The following COP1 variants were observed in gnomAD, a reference collection of about 807,000 sequenced individuals.
The protein encoded by COP1 is E3 ubiquitin-protein ligase COP1.
Under a neutral mutation model 101.3 loss-of-function variants are expected in COP1, and 24 were observed. The observed-to-expected ratio is 0.24, with a 90% confidence interval of 0.17 to 0.33. The LOEUF is 0.33. Among genes scored for constraint, COP1 ranks in the 10% least tolerant of loss-of-function variants. The pLI, the probability that COP1 is intolerant of heterozygous loss-of-function variation, is 1.00. For synonymous variants in COP1, 347 were observed against 341.9 expected (o/e 1.01, Z -0.17); for missense variants, 663 against 906.2 (o/e 0.73, Z 3.45).
At chr1:176,184,566 A>G in intron 2 of COP1, 67 bp downstream of exon 2, 1 of 1,287,500 alleles carries the variant, frequency 7.8e-7, no homozygotes. Flanking sequence ...GTAACTTCTC[A>G]TTGGCTACAT....
intron 1 of COP1, among the ~76,000 whole-genome samples, chr1:176,187,513 T>G (rs1328260793): frequency 2.6e-5 from 4 of 151,998 alleles, no homozygotes; most frequent in Non-Finnish European, 5.9e-5. Flanking sequence ...CCTCCCAAAG[T>G]GTTGGGATTA....
chr1:175,951,463 A>ATATATATATATATATATAT (rs1558154896), intron 18 of COP1, among the ~76,000 whole-genome samples: 516 of 39,574 alleles, frequency 0.013, 11 homozygotes, highest in East Asian at 0.027. Flanking sequence ...TATATATATA[A>ATATATATATATATATATAT]AAACTTCCAT....
At chr1:175,983,313 C>T (rs112419672) in intron 18 of COP1, among the ~76,000 whole-genome samples, 10,319 of 152,146 alleles carry the variant, frequency 0.068, 451 homozygotes, top group Non-Finnish European at 0.087. Context: ...AAGTCTTTCC[C>T]GAACTGTTCT....
intron 18 of COP1, among the ~76,000 whole-genome samples, chr1:175,962,410 T>TATTA (rs1651486022): frequency 6.6e-6 from 1 of 152,170 alleles, no homozygotes; most frequent in Non-Finnish European, 1.5e-5. Flanking sequence ...GTTTCTTATA[T>TATTA]ATTAATATTT....
At chr1:176,124,452 A>G (rs1057172496) in intron 8 of COP1, among the ~76,000 whole-genome samples, 17 of 116,478 alleles carry the variant, frequency 1.5e-4, no homozygotes, top group African/African-American at 5.7e-4. Context: ...TCTGGTAACC[A>G]TCTTTCTATT....
intron 9 of COP1, among the ~76,000 whole-genome samples, chr1:176,114,425 G>C (rs1303490655): frequency 6.6e-6 from 1 of 151,948 alleles, no homozygotes; most frequent in Non-Finnish European, 1.5e-5. Flanking sequence ...ACAAGAAAAA[G>C]AAAAACAGAA....
Position 175,994,423 on chromosome 1 carries a change from T to C in COP1, c.1730-4944A>G, listed in dbSNP as rs1000512923. Among the ~76,000 whole-genome samples, 13 of 152,164 alleles carry C rather than the reference T, an allele frequency of 8.5e-5. 2 individuals are homozygous for C. The highest frequency in any genetic ancestry group is 8.5e-4 in the Admixed American group (13 of 15,274). ...TAACTTTAAAGGTAAATGGACTAAA[T>C]GCTCCAATGAAAAGACACAGACTGG... On this transcript the variant is annotated intron_variant, in intron 15 of 19. Transcript: ENST00000367669.
chr1:176,055,183 C>A (rs888307319), intron 11 of COP1, among the ~76,000 whole-genome samples: 2 of 152,206 alleles, frequency 1.3e-5, no homozygotes, highest in Non-Finnish European at 2.9e-5. Context: ...CCTGTAATCC[C>A]ATCACTTCGG....
At chr1:176,009,564 T>C (rs914749539) in intron 15 of COP1, among the ~76,000 whole-genome samples, 2 of 152,166 alleles carry the variant, frequency 1.3e-5, no homozygotes, top group African/African-American at 2.4e-5. Flanking sequence ...CAGTGAGTTA[T>C]CAAATGACAG....
chr1:176,086,428 G>T (rs868021030), intron 9 of COP1, among the ~76,000 whole-genome samples: 2 of 151,714 alleles, frequency 1.3e-5, no homozygotes, highest in Non-Finnish European at 2.9e-5. Flanking sequence ...GGGTTTCACC[G>T]TGTTAGCCAG....
intron 15 of COP1, among the ~76,000 whole-genome samples, chr1:176,016,642 C>T (rs954928224): frequency 1.3e-5 from 2 of 152,022 alleles, no homozygotes; most frequent in African/African-American, 4.8e-5. Flanking sequence ...ATGCCAGGTA[C>T]ATGTAATTCT....
chr1:176,134,357 T>G (rs969518723), intron 8 of COP1, among the ~76,000 whole-genome samples: 6 of 152,028 alleles, frequency 3.9e-5, no homozygotes, highest in African/African-American at 1.4e-4. Context: ...AAGATTCAGA[T>G]AGCATATATT....
chr1:176,070,703 G>A (rs991745841), intron 11 of COP1, among the ~76,000 whole-genome samples: 2 of 152,142 alleles, frequency 1.3e-5, no homozygotes, highest in African/African-American at 4.8e-5. Context: ...CCAGACTGGA[G>A]TGTAGTAGTG....
chr1:175,954,270 C>T (rs1214360140), intron 18 of COP1, among the ~76,000 whole-genome samples: 1 of 151,942 alleles, frequency 6.6e-6, no homozygotes, highest in Non-Finnish European at 1.5e-5. Flanking sequence ...GTGTAATGCA[C>T]CTAAAACAAT....
chr1:176,038,912 A>T (rs1222844663), intron 14 of COP1, among the ~76,000 whole-genome samples: 3 of 152,182 alleles, frequency 2.0e-5, no homozygotes, highest in African/African-American at 7.2e-5. Flanking sequence ...AAATGGACAG[A>T]TCCAACAATC....
chr1:176,120,851 T>C (rs1687000130), intron 8 of COP1, among the ~76,000 whole-genome samples: 1 of 152,160 alleles, frequency 6.6e-6, no homozygotes, highest in Non-Finnish European at 1.5e-5. Flanking sequence ...TGAAAAAGAA[T>C]GGTTTAAATT....
intron 8 of COP1, among the ~76,000 whole-genome samples, chr1:176,125,611 G>T (rs1243329294): frequency 6.6e-6 from 1 of 152,154 alleles, no homozygotes; most frequent in East Asian, 1.9e-4. Flanking sequence ...GTACCATGCT[G>T]TTTTGGTTAC....
chr1:176,068,043 T>C (rs548222357), intron 11 of COP1, among the ~76,000 whole-genome samples: 1 of 152,330 alleles, frequency 6.6e-6, no homozygotes, highest in Non-Finnish European at 1.5e-5. Flanking sequence ...GTGGGGAATG[T>C]TGGTAATGGG....
At chr1:175,957,654 T>G (rs541229058) in intron 18 of COP1, among the ~76,000 whole-genome samples, 1 of 152,340 alleles carries the variant, frequency 6.6e-6, no homozygotes, top group East Asian at 1.9e-4. Flanking sequence ...TTACAACTAC[T>G]CTACAATCTC....
Sources: gnomAD v4.1 joint callset for allele counts (sites outside exome capture counted in the v4.1 genomes callset) on GRCh38, gnomAD v4.1.1 for gene constraint, MANE v1.5 for transcripts, NCBI Gene and HGNC (gene_info 2026-07-23, HGNC 2026-07-21) for gene names.